LYPD6B: variants seen among roughly 807,000 people sequenced by gnomAD.
The protein encoded by LYPD6B is ly6/PLAUR domain-containing protein 6B.
A neutral mutation model predicts 22.8 loss-of-function variants in LYPD6B; 17 were observed. The observed-to-expected ratio is 0.75, with a 90% CI of 0.51 to 1.12. LYPD6B has a LOEUF of 1.12. Ranked by LOEUF, LYPD6B falls within the 50% of genes most tolerant of loss-of-function variation. LYPD6B has a pLI of 0.00. For synonymous variants in LYPD6B, 106 were observed against 91.6 expected (o/e 1.16, Z -0.90); for missense variants, 221 against 258.3 (o/e 0.86, Z 0.99).
At chr2:149,089,489 T>G (rs2105433689) in intron 1 of LYPD6B, among the ~76,000 whole-genome samples, 1 of 152,322 alleles carries the variant, frequency 6.6e-6, no homozygotes, top group African/African-American at 2.4e-5. Flanking sequence ...TTTCTTCCAT[T>G]CCTTTTTATG....
intron 4 of LYPD6B, among the ~76,000 whole-genome samples, chr2:149,207,621 T>G (rs1221210856): frequency 6.6e-6 from 1 of 152,154 alleles, no homozygotes; most frequent in African/African-American, 2.4e-5. Flanking sequence ...TATAAGGGCT[T>G]AAGAATTACT....
chr2:149,155,226 C>G (rs537015517), intron 2 of LYPD6B, among the ~76,000 whole-genome samples: 1 of 152,140 alleles, frequency 6.6e-6, no homozygotes, highest in Non-Finnish European at 1.5e-5. Context: ...CTCTGCAGCC[C>G]GCAGAATCAG....
intron 3 of LYPD6B, among the ~76,000 whole-genome samples, chr2:149,165,242 C>T (rs1221614250): frequency 6.6e-6 from 1 of 152,138 alleles, no homozygotes; most frequent in Non-Finnish European, 1.5e-5. Context: ...TACGTAGCCT[C>T]TCTTCTGCCA....
chr2:149,044,292 G>C (rs1683211308), intron 1 of LYPD6B, among the ~76,000 whole-genome samples: 1 of 151,960 alleles, frequency 6.6e-6, no homozygotes, highest in African/African-American at 2.4e-5. Flanking sequence ...TTAAGTCTTT[G>C]ATTTCTTCCA....
At chr2:149,052,916 A>G (rs1683629214) in intron 1 of LYPD6B, among the ~76,000 whole-genome samples, 2 of 152,192 alleles carry the variant, frequency 1.3e-5, no homozygotes, top group South Asian at 4.1e-4. Context: ...ATTCTTCTCT[A>G]TTGGCTTGTT....
intron 3 of LYPD6B, among the ~76,000 whole-genome samples, chr2:149,182,199 T>A (rs1691780938): frequency 6.6e-6 from 1 of 152,230 alleles, no homozygotes; most frequent in Non-Finnish European, 1.5e-5. Flanking sequence ...GGTATAATCA[T>A]AATCATTTTC....
chr2:149,192,997 C>T (rs937408967), intron 3 of LYPD6B, among the ~76,000 whole-genome samples: 1 of 152,020 alleles, frequency 6.6e-6, no homozygotes. Flanking sequence ...TGATTATTAC[C>T]CACAGCAGAA....
intron 1 of LYPD6B, among the ~76,000 whole-genome samples, chr2:149,088,101 C>CT (rs397831310): frequency 6.6e-6 from 1 of 151,364 alleles, no homozygotes; most frequent in Admixed American, 6.6e-5. Flanking sequence ...TTGCTCCCCC[C>CT]ACCCAACTTT....
intron 2 of LYPD6B, 172 bp downstream of exon 2, chr2:149,131,125 G>T (rs1471039352): frequency 5.4e-6 from 3 of 554,474 alleles, no homozygotes; most frequent in Non-Finnish European, 9.5e-6. Context: ...TGTGGTTTCA[G>T]TATCTTCCCC....
chr2:149,193,357 A>G (rs1692614233), intron 3 of LYPD6B, among the ~76,000 whole-genome samples: 1 of 152,142 alleles, frequency 6.6e-6, no homozygotes, highest in African/African-American at 2.4e-5. Flanking sequence ...AAAAGGGGCT[A>G]TTTTAGGCAT....
At chr2:149,132,526 C>G (rs1331431048) in intron 2 of LYPD6B, among the ~76,000 whole-genome samples, 1 of 151,924 alleles carries the variant, frequency 6.6e-6, no homozygotes, top group Non-Finnish European at 1.5e-5. Context: ...GCTCCCTCTC[C>G]TTTTCTGCAG....
intron 1 of LYPD6B, among the ~76,000 whole-genome samples, chr2:149,046,005 T>A (rs1683288222): frequency 6.6e-6 from 1 of 152,154 alleles, no homozygotes; most frequent in African/African-American, 2.4e-5. Flanking sequence ...CAGTTACAAT[T>A]GTGGATGTAT....
At chr2:149,111,742 A>G (rs1039607463) in intron 1 of LYPD6B, among the ~76,000 whole-genome samples, 1 of 152,140 alleles carries the variant, frequency 6.6e-6, no homozygotes, top group Non-Finnish European at 1.5e-5. Flanking sequence ...TCTGGATGAG[A>G]CCACATAGAA....
At chr2:149,073,634 T>C (rs1240375518) in intron 1 of LYPD6B, among the ~76,000 whole-genome samples, 1 of 152,046 alleles carries the variant, frequency 6.6e-6, no homozygotes, top group East Asian at 1.9e-4. Context: ...TCGGTGCTTT[T>C]GCTTATCCTC....
chr2:149,102,123 T>C (rs888608614), intron 1 of LYPD6B, among the ~76,000 whole-genome samples: 2 of 152,152 alleles, frequency 1.3e-5, no homozygotes, highest in Non-Finnish European at 2.9e-5. Flanking sequence ...ACCTTCTCCC[T>C]TTACCAAGGG....
intron 1 of LYPD6B, among the ~76,000 whole-genome samples, chr2:149,086,845 C>T (rs912250580): frequency 3.9e-5 from 6 of 152,196 alleles, no homozygotes; most frequent in African/African-American, 1.4e-4. Flanking sequence ...TGTCTTTTCT[C>T]TGTGTCTTCA....
intron 1 of LYPD6B, among the ~76,000 whole-genome samples, chr2:149,048,478 T>C (rs1278053095): frequency 6.6e-6 from 1 of 152,200 alleles, no homozygotes; most frequent in African/African-American, 2.4e-5. Context: ...GAGTGGTCTG[T>C]CTCCATGCTC....
chr2:149,070,411 C>A (rs1477083689), intron 1 of LYPD6B, among the ~76,000 whole-genome samples: 1 of 152,096 alleles, frequency 6.6e-6, no homozygotes, highest in Non-Finnish European at 1.5e-5. Context: ...CTCTTTAGCG[C>A]TTATTAATAT....
intron 1 of LYPD6B, among the ~76,000 whole-genome samples, chr2:149,116,646 C>A (rs939948191): frequency 3.3e-5 from 5 of 152,118 alleles, no homozygotes; most frequent in Admixed American, 1.3e-4. Context: ...ACTGTATTAG[C>A]AGTTATGACA....
Sources: gnomAD v4.1 joint callset for allele counts (sites outside exome capture counted in the v4.1 genomes callset) on GRCh38, gnomAD v4.1.1 for gene constraint, MANE v1.5 for transcripts, NCBI Gene and HGNC (gene_info 2026-07-23, HGNC 2026-07-21) for gene names.